Variants in COPG2 observed in about 807,000 individuals in gnomAD.
COPG2 encodes coat protein complex I subunit gamma 2.
A neutral mutation model predicts 46.3 loss-of-function variants in COPG2; 37 were observed. The ratio of observed to expected loss-of-function variants is 0.80; its 90% CI spans 0.61 to 1.05. COPG2 has a LOEUF of 1.05. Among genes scored for constraint, COPG2 ranks in the 50% least tolerant of loss-of-function variants. COPG2 has a pLI of 0.00. For missense variants in COPG2, 427 were observed against 387.8 expected, an observed-to-expected ratio of 1.10 and a Z score of -0.85; for synonymous variants, 159 against 129.7, an observed-to-expected ratio of 1.23 and a Z score of -1.53.
intron 20 of COPG2, among the ~76,000 whole-genome samples, chr7:130,523,611 T>C (rs1472685749): frequency 1.3e-5 from 2 of 152,138 alleles, no homozygotes; most frequent in African/African-American, 4.8e-5. Context: ...CAAATGGATG[T>C]AGCTGAAAAG....
At chr7:130,657,468 C>T (rs557069716) in intron 4 of COPG2, among the ~76,000 whole-genome samples, 4 of 152,170 alleles carry the variant, frequency 2.6e-5, no homozygotes, top group Middle Eastern at 3.4e-3. Flanking sequence ...TTGTCCCCTT[C>T]GGTTAAGGAA....
chr7:130,652,199 T>C (rs1554459226), intron 5 of COPG2, among the ~76,000 whole-genome samples: 2 of 152,236 alleles, frequency 1.3e-5, no homozygotes, highest in Non-Finnish European at 1.5e-5. Context: ...TTCTGTGTTA[T>C]GTCTGATTAT....
chr7:130,630,552 A>G (rs1182795968), intron 5 of COPG2, among the ~76,000 whole-genome samples: 4 of 152,128 alleles, frequency 2.6e-5, no homozygotes, highest in African/African-American at 9.7e-5. Context: ...TACTTGCTCT[A>G]TGTTTTTGAG....
chr7:130,572,892 A>AT lies in COPG2; in HGVS notation c.738-8500dup, dbSNP rs549024342. Among the ~76,000 whole-genome samples the AT allele has an allele frequency of 6.3e-4, 96 of 152,038 alleles. 1 individual carries two copies. Among genetic ancestry groups the AT allele is most frequent in the African/African-American group, 2.2e-3 (91 of 41,534 alleles). On this transcript the variant is annotated intron_variant, in intron 9 of 23. Transcript: ENST00000425248. ...TTGACTAGAACACAGAAAAATAATAATAAAAAAAATCAGTGACACCCAAAG... is the reference window on the plus strand; with the variant it reads ...TTGACTAGAACACAGAAAAATAATAATTAAAAAAAATCAGTGACACCCAAAG...
At chr7:130,535,620 C>G (rs1048960462) in intron 20 of COPG2, among the ~76,000 whole-genome samples, 42 of 142,188 alleles carry the variant, frequency 3.0e-4, no homozygotes, top group African/African-American at 9.1e-4. Context: ...TACTACGGAT[C>G]CGGCAGGGAA....
Position 130,630,965 on chromosome 7 carries a change from A to G in COPG2, c.324-13900T>C, listed in dbSNP as rs372957263. On this transcript the variant is annotated intron_variant, in intron 5 of 23. Transcript: ENST00000425248. ...GGACCGCTTGAGCCCAGGGGTTTAAAGATGCAGTGAGCTATGATCATGTCA... is the reference window on the plus strand; with the variant it reads ...GGACCGCTTGAGCCCAGGGGTTTAAGGATGCAGTGAGCTATGATCATGTCA... Among the ~76,000 whole-genome samples the G allele has an allele frequency of 2.0e-3, 306 of 152,260 alleles. 2 individuals carry two copies. Among genetic ancestry groups the G allele is most frequent in the African/African-American group, 6.7e-3 (277 of 41,546 alleles).
At chr7:130,507,244 TGGAA>T in intron 23 of COPG2, 26 bp downstream of exon 23, 2 of 779,984 alleles carry the variant, frequency 2.6e-6, no homozygotes, top group South Asian at 1.3e-5. Context: ...TGCAAGAAAA[TGGAA>T]GGAAAATCTG....
rs1003886185 is a variant in COPG2 at position 130,546,579 on chromosome 7, G to A, written c.2149+1095C>T. Reference sequence around the variant, plus strand: ...AGAAGTAGAGTTCCACCCAGGGCCAGAGGGAACAATCTGGGATTCAGACAC... The same window carrying A: ...AGAAGTAGAGTTCCACCCAGGGCCAAAGGGAACAATCTGGGATTCAGACAC... On this transcript the variant is annotated intron_variant, in intron 20 of 23. Coordinates refer to ENST00000425248, the MANE Select transcript of COPG2 (RefSeq NM_012133.6). 2.7e-3 allele frequency among the ~76,000 whole-genome samples: 415 copies of A among 152,322 alleles called. 1 individual carries two copies. The highest frequency in any genetic ancestry group is 9.5e-3 in the African/African-American group (396 of 41,566).
intron 5 of COPG2, among the ~76,000 whole-genome samples, chr7:130,624,779 T>C (rs559976939): frequency 2.0e-5 from 3 of 152,356 alleles, no homozygotes; most frequent in East Asian, 1.9e-4. Context: ...CCATGGTGTA[T>C]ATACATACTA....
At chr7:130,610,654 T>C (rs7800717) in intron 9 of COPG2, 113,671 of 558,858 alleles carry the variant, frequency 0.2, 12,602 homozygotes, top group Middle Eastern at 0.27. Context: ...GGATAATTCT[T>C]AATGTCCCTG....
chr7:130,556,716 T>A (rs985441164), intron 12 of COPG2, among the ~76,000 whole-genome samples: 4 of 152,070 alleles, frequency 2.6e-5, no homozygotes, highest in Non-Finnish European at 5.9e-5. Context: ...TTATCAAGAA[T>A]GTAAAGATGG....
intron 12 of COPG2, among the ~76,000 whole-genome samples, chr7:130,556,462 C>G (rs1793623918): frequency 6.6e-6 from 1 of 152,020 alleles, no homozygotes; most frequent in Admixed American, 6.6e-5. Flanking sequence ...GAATTGTCTA[C>G]CAACAATCGG....
intron 4 of COPG2, among the ~76,000 whole-genome samples, chr7:130,657,287 G>A (rs1795876715): frequency 6.6e-6 from 1 of 151,984 alleles, no homozygotes; most frequent in Non-Finnish European, 1.5e-5. Flanking sequence ...ACCATGTGTT[G>A]AGAAAATGAA....
intron 9 of COPG2, among the ~76,000 whole-genome samples, chr7:130,598,866 C>T (rs1794579868): frequency 6.6e-6 from 1 of 152,180 alleles, no homozygotes; most frequent in South Asian, 2.1e-4. Flanking sequence ...ATGGTTCCTA[C>T]CTTCCCTAGG....
intron 5 of COPG2, among the ~76,000 whole-genome samples, chr7:130,644,219 T>C (rs1198708817): frequency 2.0e-5 from 3 of 152,184 alleles, no homozygotes; most frequent in East Asian, 1.9e-4. Context: ...AAGGGCTACT[T>C]TGTCCCAGGC....
chr7:130,643,000 C>T lies in COPG2; in HGVS notation c.323+9869G>A, dbSNP rs552579669. Among the ~76,000 whole-genome samples, 162 of 150,178 alleles carry T rather than the reference C, an allele frequency of 1.1e-3. 1 individual carries two copies. The highest frequency in any genetic ancestry group is 2.0e-3 in the Non-Finnish European group (132 of 67,576). ...CAGCCTGTGTGACAGAACAAGACTC[C>T]GTCTCAAAACAAAAACAAAAACTAT... On this transcript the variant is annotated intron_variant, in intron 5 of 23. Coordinates refer to ENST00000425248, the MANE Select transcript of COPG2 (RefSeq NM_012133.6).
At chr7:130,567,146 G>C (rs912048075) in intron 9 of COPG2, among the ~76,000 whole-genome samples, 45 of 152,284 alleles carry the variant, frequency 3.0e-4, no homozygotes, top group African/African-American at 9.1e-4. Flanking sequence ...CACAGGGACA[G>C]AAAACCAAAT....
chr7:130,551,213 A>G (rs1341439554), intron 16 of COPG2, 28 bp downstream of exon 16: 2 of 398,378 alleles, frequency 5.0e-6, no homozygotes, highest in African/African-American at 4.1e-5. Context: ...TTGAGGAACA[A>G]AAGTGTACAT....
chr7:130,526,353 A>G (rs1799774556), intron 20 of COPG2, among the ~76,000 whole-genome samples: 1 of 152,168 alleles, frequency 6.6e-6, no homozygotes, highest in African/African-American at 2.4e-5. Context: ...AGCCCGATGA[A>G]GCAATAGGCC....
Sources: allele counts gnomAD v4.1 joint callset (sites outside exome capture counted in the v4.1 genomes callset), GRCh38; gene constraint gnomAD v4.1.1; transcripts MANE v1.5; gene names NCBI Gene and HGNC (gene_info 2026-07-23, HGNC 2026-07-21).